JAK2: variants seen among roughly 807,000 people sequenced by gnomAD.
JAK2 encodes the protein Janus kinase 2.
In JAK2, 86 loss-of-function variants were observed where a neutral mutation model predicts 139.3. The ratio of observed to expected loss-of-function variants is 0.62; its 90% CI spans 0.52 to 0.74. JAK2 has a LOEUF of 0.74. JAK2 is among the 30% of genes least tolerant of loss of function. JAK2 has a pLI of 0.00. For missense variants in JAK2, 1,421 were observed against 1,360.3 expected, an observed-to-expected ratio of 1.04 and a Z score of -0.70; for synonymous variants, 490 against 437.7, an observed-to-expected ratio of 1.12 and a Z score of -1.49.
At chr9:5,028,679 C>T (rs896654200) in intron 3 of JAK2, among the ~76,000 whole-genome samples, 2 of 152,170 alleles carry the variant, frequency 1.3e-5, no homozygotes, top group Non-Finnish European at 2.9e-5. Context: ...TTGCTGCATC[C>T]TCTCCATCAA....
chr9:4,985,980 C>G lies in JAK2; in HGVS notation c.-68C>G, dbSNP rs1327769273. The G allele has an allele frequency of 6.5e-6, 1 of 152,756 alleles. No homozygotes were observed. Among genetic ancestry groups the G allele is most frequent in the Non-Finnish European group, 1.5e-5 (1 of 68,084 alleles). The allele number at this position is 152,756 out of a possible 1,614,324, so 9.5% of individuals were successfully genotyped here. ...AACAGGAACAAGATGTGAACTGTTT[C>G]TCTTCTGCAGAAAAAGAGGCTCTTC... On this transcript the variant is annotated 5_prime_UTR_variant, in exon 2 of 25. Transcript: ENST00000381652.
chr9:5,027,722 G>A (rs553508712), intron 3 of JAK2, among the ~76,000 whole-genome samples: 1 of 152,162 alleles, frequency 6.6e-6, no homozygotes, highest in Admixed American at 6.5e-5. Context: ...ATCCTTTGTT[G>A]TCATTTCAAC....
In JAK2 at chr9:5,128,439, A is replaced by C. The variant is rs1426062868; in HGVS notation, c.*1648A>C. Among the ~76,000 whole-genome samples, 3 of 151,852 alleles carry C rather than the reference A, an allele frequency of 2.0e-5. No individual in the cohort carries two copies. The highest frequency in any genetic ancestry group is 4.4e-5 in the Non-Finnish European group (3 of 67,744). On this transcript the variant is annotated 3_prime_UTR_variant, in exon 25 of 25. Transcript: ENST00000381652. Reference sequence around the variant, plus strand: ...AAGGATTTGTATATGCAACACAGTAAGGAGATCTTCCATTTTACTACCTTT... The same window carrying C: ...AAGGATTTGTATATGCAACACAGTACGGAGATCTTCCATTTTACTACCTTT...
intron 8 of JAK2, among the ~76,000 whole-genome samples, chr9:5,064,627 TAAG>T (rs1818441329): frequency 6.6e-6 from 1 of 152,148 alleles, no homozygotes; most frequent in African/African-American, 2.4e-5. Context: ...TATATTAGTC[TAAG>T]AAGGACATTG....
At chr9:5,089,319 A>G (rs956702682) in intron 19 of JAK2, among the ~76,000 whole-genome samples, 4 of 152,122 alleles carry the variant, frequency 2.6e-5, no homozygotes, top group Non-Finnish European at 5.9e-5. Context: ...TGGGTGGATC[A>G]CCAGGTCAGG....
At chr9:5,089,585 C>CAAAT in intron 19 of JAK2, 89 bp from the exon 20 acceptor site, 1 of 312,098 alleles carries the variant, frequency 3.2e-6, no homozygotes, top group Non-Finnish European at 5.8e-6. Flanking sequence ...CTAATTCCAG[C>CAAAT]TACTAGAATT....
rs1057515602 is a variant in JAK2, at chr9:5,128,142, T to C, written c.*1351T>C. The C allele has an allele frequency of 2.6e-5, 6 of 231,726 alleles. No individual in the cohort carries two copies. Among genetic ancestry groups the C allele is most frequent in the Non-Finnish European group, 5.1e-5 (6 of 117,246 alleles). The allele number at this position is 231,726 out of a possible 1,614,324, so 14.4% of individuals were successfully genotyped here. A position where few individuals can be genotyped will look rare whatever the true frequency, so the allele number is the denominator to read the frequency against. ...TGTGTTATTTATACAAAACTTAAAA[T>C]ACTTGCTGTTTTGATTAAAAAGAAA... On this transcript the variant is annotated 3_prime_UTR_variant, in exon 25 of 25. Coordinates refer to ENST00000381652, the MANE Select transcript of JAK2 (RefSeq NM_004972.4).
chr9:5,029,212 T>C (rs891120615), intron 3 of JAK2, among the ~76,000 whole-genome samples: 27 of 152,154 alleles, frequency 1.8e-4, no homozygotes, highest in African/African-American at 5.8e-4. Flanking sequence ...TATTGTTGTG[T>C]CTCAGGGAAT....
At chr9:5,101,771 G>C (rs1168408760) in intron 22 of JAK2, among the ~76,000 whole-genome samples, 34 of 152,302 alleles carry the variant, frequency 2.2e-4, no homozygotes, top group Admixed American at 2.2e-3. Context: ...GTCTGGAGTG[G>C]ACCTCCAGCA....
At chr9:5,007,052 C>G (rs927346998) in intron 2 of JAK2, among the ~76,000 whole-genome samples, 8 of 151,942 alleles carry the variant, frequency 5.3e-5, no homozygotes, top group African/African-American at 1.9e-4. Flanking sequence ...AGTGTTTTAT[C>G]AATTTTAATG....
chr9:5,026,925 C>A (rs766956020), intron 3 of JAK2, among the ~76,000 whole-genome samples: 1 of 152,106 alleles, frequency 6.6e-6, no homozygotes, highest in South Asian at 2.1e-4. Flanking sequence ...ATTAAAATAG[C>A]CCAAAGGACA....
At chr9:5,113,043 G>A (rs557971438) in intron 22 of JAK2, among the ~76,000 whole-genome samples, 3 of 152,122 alleles carry the variant, frequency 2.0e-5, no homozygotes, top group Non-Finnish European at 2.9e-5. Flanking sequence ...GGAAGGTGAC[G>A]CTGGGTCCAG....
At chr9:5,124,100 T>C (rs759829830) in intron 23 of JAK2, among the ~76,000 whole-genome samples, 2 of 151,934 alleles carry the variant, frequency 1.3e-5, no homozygotes, top group Non-Finnish European at 2.9e-5. Context: ...TTATAAATTC[T>C]GGATGGTAGT....
chr9:5,126,790 G>C lies in JAK2; in HGVS notation c.3398G>C (p.Ter1133SerextTer3), dbSNP rs1282965339. ...CAAATAAGGGATAACATGGCTGGATGAAAGAAATGACCTTCATTCTGAGAC... is the reference window on the plus strand; with the variant it reads ...CAAATAAGGGATAACATGGCTGGATCAAAGAAATGACCTTCATTCTGAGAC... ...VDQIRDNMAG[*>S] The change falls in exon 25 of 25, where the codon TGA (stop) becomes TCA (serine). Residue 1133 changes from the stop codon to serine, a stop_lost. Coordinates refer to ENST00000381652, the MANE Select transcript of JAK2 (RefSeq NM_004972.4). 6.3e-7 allele frequency: 1 copy of C among 1,588,218 alleles called. No homozygotes were observed. Among genetic ancestry groups the C allele is most frequent in the Non-Finnish European group, 8.6e-7 (1 of 1,159,564 alleles).
In JAK2 at chr9:5,020,749, G is replaced by A. The variant is rs907724950; in HGVS notation, c.-25-1214G>A. 4.6e-5 allele frequency among the ~76,000 whole-genome samples: 7 copies of A among 152,250 alleles called. No individual in the cohort carries two copies. In the East Asian group the frequency reaches 1.2e-3, roughly 25 times the overall value. On this transcript the variant is annotated intron_variant, in intron 2 of 24. Transcript: ENST00000381652. The stretch of plus-strand genomic sequence containing the variant: ...GCAGCCCTTCTGCTGGGAGCAGTGG[G>A]GTTATTGCCAATGGCTTGTGCTTTG...
intron 3 of JAK2, among the ~76,000 whole-genome samples, chr9:5,022,678 G>A (rs974813283): frequency 2.0e-5 from 3 of 152,160 alleles, no homozygotes; most frequent in Non-Finnish European, 4.4e-5. Context: ...TATGTCTTTG[G>A]TGTATCTTGA....
Position 5,097,049 on chromosome 9 carries a change from A to G in JAK2, c.3059+6138A>G, listed in dbSNP as rs1373753028. On this transcript the variant is annotated intron_variant, in intron 22 of 24. Transcript: ENST00000381652. ...GGTGCTGGAACTGGCTGAACAGTTT[A>G]TCCCCCTTTAGCTGAAAACCTAACA... 4 of 152,098 alleles carry G rather than the reference A, an allele frequency of 2.6e-5. No homozygotes were observed. In the East Asian group the frequency reaches 7.7e-4, roughly 29 times the overall value. The allele number at this position is 152,098 out of a possible 1,614,324, so 9.4% of individuals were successfully genotyped here. A position where few individuals can be genotyped will look rare whatever the true frequency, so the allele number is the denominator to read the frequency against.
At chr9:5,098,112 T>G (rs1471430159) in intron 22 of JAK2, 1 of 152,176 alleles carries the variant, frequency 6.6e-6, no homozygotes, top group Non-Finnish European at 1.5e-5. Context: ...ACTATAACAA[T>G]TGAACAACCA....
intron 11 of JAK2, 138 bp downstream of exon 11, chr9:5,069,346 C>T: frequency 3.6e-6 from 2 of 557,424 alleles, no homozygotes; most frequent in South Asian, 6.0e-5. Context: ...TTCTATTGTA[C>T]AAGCATCATC....
Sources: gnomAD v4.1 joint callset for allele counts (sites outside exome capture counted in the v4.1 genomes callset) on GRCh38, gnomAD v4.1.1 for gene constraint, MANE v1.5 for transcripts, NCBI Gene and HGNC (gene_info 2026-07-23, HGNC 2026-07-21) for gene names.